The following ISG20L2 variants were observed in gnomAD, a reference collection of about 807,000 sequenced individuals.
The protein encoded by ISG20L2 is interferon-stimulated 20 kDa exonuclease-like 2.
ISG20L2 carries 14 observed loss-of-function variants against 27.8 expected under a neutral mutation model. The ratio of observed to expected loss-of-function variants is 0.50; its 90% confidence interval spans 0.33 to 0.79. The LOEUF (loss-of-function observed/expected upper bound fraction) is 0.79. Among genes scored for constraint, ISG20L2 ranks in the 30% least tolerant of loss-of-function variants. ISG20L2 has a pLI of 0.02. For missense variants in ISG20L2, 393 were observed against 435.1 expected, an observed-to-expected ratio of 0.90 and a Z score of 0.86; for synonymous variants, 157 against 165.7, an observed-to-expected ratio of 0.95 and a Z score of 0.40.
Position 156,728,095 on chromosome 1 carries a change from T to C in ISG20L2, c.-118+320A>G, listed in dbSNP as rs897861814. ...GTCTAAGAGGCTAGAACACGTGCGA[T>C]CTATACTCCGCCTAGGAAAGGAACA... On this transcript the variant is annotated intron_variant, in intron 1 of 3. Coordinates refer to ENST00000368219, the MANE Select transcript of ISG20L2 (RefSeq NM_001370150.2). 4.0e-6 allele frequency: 4 copies of C among 994,716 alleles called. No homozygotes were observed. The African/African-American group carries it at 5.2e-5, about 13-fold the overall frequency. 61.6% of individuals were successfully genotyped at this position (994,716 alleles called of 1,614,324 possible). A position where few individuals can be genotyped will look rare whatever the true frequency, so the allele number is the denominator to read the frequency against.
rs1452474067 is a variant in ISG20L2 at position 156,722,298 on chromosome 1, T to G, written c.*1051A>C. On this transcript the variant is annotated 3_prime_UTR_variant, in exon 4 of 4. Coordinates refer to ENST00000368219, the MANE Select transcript of ISG20L2 (RefSeq NM_001370150.2). ...TTTTTTGAGACAGAGTCTCGCTCTG[T>G]GGCCGTGGCCCAGGCTGGAGTGCAG... is the stretch of plus-strand genomic sequence containing the variant. The G allele has an allele frequency of 6.6e-6, 1 of 151,860 alleles. No homozygotes were observed. Among genetic ancestry groups the G allele is most frequent in the East Asian group, 1.9e-4 (1 of 5,156 alleles). 9.4% of individuals were successfully genotyped at this position (151,860 alleles called of 1,614,324 possible). A position where few individuals can be genotyped will look rare whatever the true frequency, so the allele number is the denominator to read the frequency against.
Position 156,723,183 on chromosome 1 carries a change from C to T in ISG20L2, c.*166G>A. 1.2e-6 allele frequency: 1 copy of T among 816,460 alleles called. No homozygotes were observed. Among genetic ancestry groups the T allele is most frequent in the Non-Finnish European group, 1.9e-6 (1 of 518,432 alleles). 50.6% of individuals were successfully genotyped at this position (816,460 alleles called of 1,614,324 possible). On this transcript the variant is annotated 3_prime_UTR_variant, in exon 4 of 4. Transcript: ENST00000368219. ...ACACTTAACCAGACACAGGACACAA[C>T]ACCTGAGGTGAAATTTCAATGGGTA...
At position 156,727,019 on chromosome 1, in the gene ISG20L2, A is replaced by G. The variant is rs1648805419; in HGVS notation, c.634T>C (p.Tyr212His). 1 of 1,614,204 alleles carries G rather than the reference A, an allele frequency of 6.2e-7. No individual in the cohort carries two copies. Among genetic ancestry groups the G allele is most frequent in the East Asian group, 2.2e-5 (1 of 44,886 alleles). The change falls in exon 2 of 4, where the codon TAT (tyrosine) becomes CAT (histidine). Residue 212 changes from tyrosine to histidine, a missense_variant. Transcript: ENST00000368219. ...CAGGGGGGAAGAATGTACTCGTCAT[A>G]AAGCACATCTCCGTTGTAGTTGACA... ...SIVNYNGDVL[Y>H]DEYILPPCHI...
At chr1:156,724,064 A>G in intron 3 of ISG20L2, 84 bp downstream of exon 3, 1 of 1,296,628 alleles carries the variant, frequency 7.7e-7, no homozygotes, top group South Asian at 1.2e-5. Context: ...CTACAACCAC[A>G]GGACTTCTGA....
intron 3 of ISG20L2, chr1:156,723,938 T>G: frequency 7.5e-7 from 1 of 1,325,234 alleles, no homozygotes; most frequent in Non-Finnish European, 9.9e-7. Flanking sequence ...TATATCTACT[T>G]AGGACTTTTT....
At chr1:156,723,729 C>G in intron 3 of ISG20L2, 1 of 985,346 alleles carries the variant, frequency 1.0e-6, no homozygotes, top group Non-Finnish European at 1.2e-6. Context: ...TAGAACATAC[C>G]AGGTCAAAGA....
intron 1 of ISG20L2, 192 bp downstream of exon 1, chr1:156,728,223 C>T (rs1282159838): frequency 1.0e-6 from 1 of 985,822 alleles, no homozygotes; most frequent in Non-Finnish European, 1.2e-6. Context: ...ATCCAGGCAT[C>T]CCTTTCCCTT....
Position 156,723,484 on chromosome 1 carries a change from G to C in ISG20L2, c.949-22C>G, listed in dbSNP as rs1159508778. The C allele has an allele frequency of 3.7e-6, 6 of 1,613,866 alleles. No individual in the cohort carries two copies. In the South Asian group the frequency reaches 4.4e-5, roughly 12 times the overall value. ...CAACCTGAGCAAGCAAGGAAGACAA[G>C]AGCATGAAGAGAAAAGAAACCGTTT... On this transcript the variant is annotated intron_variant, in intron 3 of 3. Transcript: ENST00000368219.
In ISG20L2 at chr1:156,722,898, T is replaced by G; in HGVS notation, c.*451A>C. On this transcript the variant is annotated 3_prime_UTR_variant, in exon 4 of 4. Transcript: ENST00000368219. ...TTGGGACTACAGGTGTGAGCCACCATGCCTGGCCCCAACCAGAACACTTCT... is the reference window on the plus strand; with the variant it reads ...TTGGGACTACAGGTGTGAGCCACCAGGCCTGGCCCCAACCAGAACACTTCT... 6.3e-6 allele frequency: 1 copy of G among 159,540 alleles called. No individual in the cohort carries two copies. Among genetic ancestry groups the G allele is most frequent in the Non-Finnish European group, 1.4e-5 (1 of 72,008 alleles). The allele number at this position is 159,540 out of a possible 1,614,324, so 9.9% of individuals were successfully genotyped here.
chr1:156,722,979 A>G lies in ISG20L2; in HGVS notation c.*370T>C, dbSNP rs1648601273. ...AAGACCAAAAGGCATAAAAGGAGAC[A>G]TATGTCCACCCAAGTGATAAGGCAG... On this transcript the variant is annotated 3_prime_UTR_variant, in exon 4 of 4. Coordinates refer to ENST00000368219, the MANE Select transcript of ISG20L2 (RefSeq NM_001370150.2). 2 of 206,222 alleles carry G rather than the reference A, an allele frequency of 9.7e-6. No individual in the cohort carries two copies. Among genetic ancestry groups the G allele is most frequent in the Non-Finnish European group, 2.0e-5 (2 of 100,230 alleles). The allele number at this position is 206,222 out of a possible 1,614,324, so 12.8% of individuals were successfully genotyped here.
At position 156,723,543 on chromosome 1, in the gene ISG20L2, C is replaced by G. The variant is rs1043472728; in HGVS notation, c.949-81G>C. ...CCAGTGTACTCTCTGTACTCCTCTTCCCCCTGCCTCCGCTACACAGTTTCT... is the reference window on the plus strand; with the variant it reads ...CCAGTGTACTCTCTGTACTCCTCTTGCCCCTGCCTCCGCTACACAGTTTCT... On this transcript the variant is annotated intron_variant, in intron 3 of 3. Coordinates refer to ENST00000368219, the MANE Select transcript of ISG20L2 (RefSeq NM_001370150.2). 12 of 1,574,512 alleles carry G rather than the reference C, an allele frequency of 7.6e-6. No individual in the cohort carries two copies. The African/African-American group carries it at 1.1e-4, about 14-fold the overall frequency.
intron 2 of ISG20L2, chr1:156,725,035 T>G (rs1648690956): frequency 1.3e-5 from 2 of 151,860 alleles, no homozygotes; most frequent in African/African-American, 4.8e-5. Flanking sequence ...CACTACAACC[T>G]CCGCCTCCCG....
intron 2 of ISG20L2, 132 bp from the exon 3 acceptor site, chr1:156,724,480 GCTCA>G (rs1648671824): frequency 7.2e-7 from 1 of 1,391,370 alleles, no homozygotes; most frequent in African/African-American, 1.5e-5. Flanking sequence ...TCCTTGAAAT[GCTCA>G]CTCCCACAAG....
rs1648580494 is a variant in ISG20L2, at chr1:156,722,535, G to A, written c.*814C>T. 6.6e-6 allele frequency: 1 copy of A among 151,570 alleles called. No homozygotes were observed. The highest frequency in any genetic ancestry group is 2.4e-5 in the African/African-American group (1 of 41,242). 9.4% of individuals were successfully genotyped at this position (151,570 alleles called of 1,614,324 possible). A position where few individuals can be genotyped will look rare whatever the true frequency, so the allele number is the denominator to read the frequency against. On this transcript the variant is annotated 3_prime_UTR_variant, in exon 4 of 4. Coordinates refer to ENST00000368219, the MANE Select transcript of ISG20L2 (RefSeq NM_001370150.2). ...CCCGTCTCGGCCTCCCAAAGTGCTG[G>A]GATTACAGGCGTGAGCCACCACGCC...
In ISG20L2 at chr1:156,723,361, G is replaced by A; in HGVS notation, c.1050C>T (p.Pro350=). The change falls in exon 4 of 4, where the codon CCC becomes CCT. Residue 350 remains proline, a synonymous_variant. Coordinates refer to ENST00000368219, the MANE Select transcript of ISG20L2 (RefSeq NM_001370150.2). The part of the protein sequence containing the change: ...VEWEEHLARN[P]PTD ...GTCCCCACTGCCACTAGTCTGTAGG[G>A]GGATTCCGGGCTAGGTGCTCTTCCC... The A allele has an allele frequency of 6.2e-7, 1 of 1,614,120 alleles. No homozygotes were observed. The highest frequency in any genetic ancestry group is 8.5e-7 in the Non-Finnish European group (1 of 1,180,018).
At chr1:156,724,011 G>A (rs1648645478) in intron 3 of ISG20L2, 137 bp downstream of exon 3, 1 of 1,125,616 alleles carries the variant, frequency 8.9e-7, no homozygotes, top group Admixed American at 2.0e-5. Context: ...ATTATCCTGT[G>A]TACAGATGGA....
intron 2 of ISG20L2, chr1:156,724,966 T>C (rs1350061150): frequency 6.6e-6 from 1 of 152,306 alleles, no homozygotes; most frequent in East Asian, 1.9e-4. Flanking sequence ...TGTTTTTTTT[T>C]TTTGAGATGG....
intron 2 of ISG20L2, chr1:156,724,784 G>C: frequency 1.9e-6 from 1 of 526,580 alleles, no homozygotes; most frequent in Non-Finnish European, 2.4e-6. Flanking sequence ...CATGCAATTA[G>C]ATGTGTATGG....
intron 2 of ISG20L2, 95 bp downstream of exon 2, chr1:156,726,811 G>A (rs35890195): frequency 0.051 from 77,456 of 1,511,398 alleles, 2,240 homozygotes; most frequent in Non-Finnish European, 0.057. Flanking sequence ...CTCCACAAAC[G>A]TTGGTGTCTT....
Sources: gnomAD v4.1 joint callset for allele counts on GRCh38, gnomAD v4.1.1 for gene constraint, MANE v1.5 for transcripts, NCBI Gene and HGNC (gene_info 2026-07-23, HGNC 2026-07-21) for gene names.